The following UBXN8 variants were observed in gnomAD, a reference collection of about 807,000 sequenced individuals.
UBXN8 encodes UBX domain-containing protein 8.
Under a neutral mutation model 32.1 loss-of-function variants are expected in UBXN8, and 27 were observed. That is an observed-to-expected ratio of 0.84 (90% CI 0.62 to 1.16). The LOEUF is 1.16. Ranked by LOEUF, UBXN8 falls within the 50% of genes most tolerant of loss-of-function variation. The pLI is 0.00. For synonymous variants in UBXN8, 109 were observed against 111.8 expected (o/e 0.98, Z 0.16); for missense variants, 306 against 311.4 (o/e 0.98, Z 0.13).
At chr8:30,736,906 C>G (rs908100664) in intron 1 of UBXN8, among the ~76,000 whole-genome samples, 18 of 152,192 alleles carry the variant, frequency 1.2e-4, no homozygotes, top group Non-Finnish European at 2.1e-4. Context: ...TTCTACATAG[C>G]TATCCCAGTT....
intron 1 of UBXN8, 93 bp from the exon 2 acceptor site, chr8:30,751,303 C>T: frequency 9.3e-7 from 1 of 1,080,296 alleles, no homozygotes; most frequent in African/African-American, 1.6e-5. Flanking sequence ...CACGTGAGCT[C>T]AGGAGTTCGA....
At chr8:30,761,354 C>T (rs1432102640) in intron 6 of UBXN8, among the ~76,000 whole-genome samples, 2 of 152,188 alleles carry the variant, frequency 1.3e-5, no homozygotes, top group African/African-American at 2.4e-5. Flanking sequence ...AAGTGATTCT[C>T]CTGCCTCAGC....
chr8:30,732,195 C>T, upstream of UBXN8: 1 of 364,752 alleles, frequency 2.7e-6, no homozygotes, highest in Non-Finnish European at 4.9e-6. Context: ...CTCGAGACCT[C>T]CAGAAGTTTC....
upstream of UBXN8, among the ~76,000 whole-genome samples, chr8:30,729,248 T>C (rs1804893293): frequency 6.6e-6 from 1 of 152,192 alleles, no homozygotes; most frequent in African/African-American, 2.4e-5. Flanking sequence ...GTGGAACGCC[T>C]AGTCAGAGCA....
At chr8:30,738,791 C>T (rs1805124898) in intron 1 of UBXN8, among the ~76,000 whole-genome samples, 1 of 149,946 alleles carries the variant, frequency 6.7e-6, no homozygotes, top group Admixed American at 6.7e-5. Flanking sequence ...CTCGTATCTA[C>T]TAAAAATACA....
At chr8:30,765,560 A>C (rs1805978191) in intron 7 of UBXN8, among the ~76,000 whole-genome samples, 1 of 151,650 alleles carries the variant, frequency 6.6e-6, no homozygotes, top group South Asian at 2.1e-4. Context: ...GTGTGTGTAT[A>C]TATATAGTTT....
upstream of UBXN8, chr8:30,744,090 CT>C (rs1286953005): frequency 1.3e-5 from 14 of 1,047,280 alleles, no homozygotes; most frequent in Non-Finnish European, 2.0e-5. Flanking sequence ...GTTATTGACC[CT>C]CTCCCAGCCG....
At position 30,751,489 on chromosome 8, in the gene UBXN8, C is replaced by T. The variant is rs201560333; in HGVS notation, c.182C>T (p.Ser61Leu). 279 of 1,608,650 alleles carry T rather than the reference C, an allele frequency of 1.7e-4. 1 individual carries two copies. The Middle Eastern group carries it at 7.3e-3, about 42-fold the overall frequency. Residue 61 changes from serine to leucine, a missense_variant, in exon 2 of 8, where the codon TCA becomes TTA. By Grantham distance (145) the Ser-to-Leu change is moderately radical. Transcript: ENST00000265616. ...TCTGTGACTACCTCATGGCTTAACT[C>T]ATTTAAATCTCCCCAAGTTTATCTG... ...TISVTTSWLN[S>L]FKSPQVYLKE... is the part of the protein sequence containing the mutation.
At chr8:30,744,639 G>A (rs1486911140) in intron 1 of UBXN8, among the ~76,000 whole-genome samples, 1 of 152,232 alleles carries the variant, frequency 6.6e-6, no homozygotes, top group Non-Finnish European at 1.5e-5. Context: ...GTCTCACTAT[G>A]TTGCCCAGGC....
At chr8:30,763,093 G>T in intron 6 of UBXN8, 180 bp from the exon 7 acceptor site, 1 of 595,132 alleles carries the variant, frequency 1.7e-6, no homozygotes, top group South Asian at 2.1e-5. Flanking sequence ...TGGTCTGCCT[G>T]TCTCAGCCTC....
chr8:30,736,478 T>C (rs901628604), intron 1 of UBXN8, among the ~76,000 whole-genome samples: 8 of 152,196 alleles, frequency 5.3e-5, no homozygotes, highest in African/African-American at 1.9e-4. Flanking sequence ...TTATTTTTAC[T>C]TTTTATTTTT....
intron 1 of UBXN8, among the ~76,000 whole-genome samples, chr8:30,736,430 AT>A (rs1805071197): frequency 6.6e-6 from 1 of 152,198 alleles, no homozygotes; most frequent in Non-Finnish European, 1.5e-5. Context: ...CCTATTCTGA[AT>A]ATAAATATGT....
intron 5 of UBXN8, among the ~76,000 whole-genome samples, chr8:30,760,439 A>T (rs867916511): frequency 0.09 from 3,847 of 42,766 alleles, 200 homozygotes; most frequent in African/African-American, 0.29. Flanking sequence ...ATATATATAT[A>T]TATATTTTTT....
intron 3 of UBXN8, among the ~76,000 whole-genome samples, chr8:30,753,467 G>C (rs895280734): frequency 6.6e-6 from 1 of 152,040 alleles, no homozygotes; most frequent in Non-Finnish European, 1.5e-5. Flanking sequence ...ATGTTGACCA[G>C]GCTGGTCTTA....
chr8:30,732,323 G>C (rs1401079470), upstream of UBXN8: 6 of 398,288 alleles, frequency 1.5e-5, no homozygotes, highest in Admixed American at 4.4e-5. Context: ...CTGGAGGACT[G>C]TGGGTATAAG....
At chr8:30,754,307 G>T in intron 3 of UBXN8, 1 of 373,798 alleles carries the variant, frequency 2.7e-6, no homozygotes, top group South Asian at 2.2e-5. Flanking sequence ...TTCTAAAGAT[G>T]GCACTTGGTT....
rs1805552220 is a variant in UBXN8, at chr8:30,752,927, A to G, written c.212-108A>G. On this transcript the variant is annotated intron_variant, in intron 2 of 7. Transcript: ENST00000265616. ...CAATGTGATGTGTTAGGGTCTCCCCATCATAGACTTTAGATTTTTTTCTTT... is the reference window on the plus strand; with the variant it reads ...CAATGTGATGTGTTAGGGTCTCCCCGTCATAGACTTTAGATTTTTTTCTTT... The G allele has an allele frequency of 2.3e-5, 29 of 1,280,956 alleles. No homozygotes were observed. The South Asian group carries it at 5.4e-4, about 24-fold the overall frequency. The allele number at this position is 1,280,956 out of a possible 1,614,324, so 79.3% of individuals were successfully genotyped here.
chr8:30,752,842 T>A (rs375953849), intron 2 of UBXN8, among the ~76,000 whole-genome samples, 193 bp from the exon 3 acceptor site: 66 of 152,332 alleles, frequency 4.3e-4, no homozygotes, highest in African/African-American at 1.5e-3. Flanking sequence ...CCCTTTCAAA[T>A]TAACTGTGAA....
chr8:30,765,795 G>A (rs1805986131), intron 7 of UBXN8, among the ~76,000 whole-genome samples: 1 of 151,990 alleles, frequency 6.6e-6, no homozygotes, highest in South Asian at 2.1e-4. Flanking sequence ...ATCACTTGAG[G>A]TCAGAAGTTC....
Sources: gnomAD v4.1 joint callset for allele counts (sites outside exome capture counted in the v4.1 genomes callset) on GRCh38, gnomAD v4.1.1 for gene constraint, MANE v1.5 for transcripts, NCBI Gene and HGNC (gene_info 2026-07-23, HGNC 2026-07-21) for gene names.